The following CD34 variants were observed in gnomAD, a reference collection of about 807,000 sequenced individuals.
CD34 encodes hematopoietic progenitor cell antigen CD34.
A neutral mutation model predicts 40.1 loss-of-function variants in CD34; 34 were observed. That is an observed-to-expected ratio of 0.85 (90% confidence interval 0.65 to 1.13). The LOEUF is 1.13. Ranked by LOEUF, CD34 falls within the 50% of genes most tolerant of loss-of-function variation. The pLI is 0.00. For missense variants in CD34, 426 were observed against 466.9 expected (o/e 0.91, Z 0.81); for synonymous variants, 209 against 190.0 (o/e 1.10, Z -0.82).
chr1:207,895,446 A>G (rs1185763466), intron 4 of CD34, among the ~76,000 whole-genome samples: 1 of 152,148 alleles, frequency 6.6e-6, no homozygotes, highest in Non-Finnish European at 1.5e-5. Flanking sequence ...GGCAGTGTGG[A>G]TGGAAGTCTT....
At chr1:207,900,143 C>G (rs1487290876) in intron 1 of CD34, 140 bp from the exon 2 acceptor site, 3 of 627,328 alleles carry the variant, frequency 4.8e-6, no homozygotes, top group Non-Finnish European at 2.7e-6. Context: ...AGAACATACT[C>G]CTGGACAGTG....
intron 7 of CD34, among the ~76,000 whole-genome samples, chr1:207,888,445 G>A (rs375830055): frequency 2.6e-5 from 4 of 152,172 alleles, no homozygotes; most frequent in Non-Finnish European, 5.9e-5. Context: ...TAGATGACAC[G>A]AATCATCTGC....
intron 1 of CD34, among the ~76,000 whole-genome samples, chr1:207,910,309 G>A (rs1662480477): frequency 6.6e-6 from 1 of 152,196 alleles, no homozygotes; most frequent in Non-Finnish European, 1.5e-5. Flanking sequence ...AGGCGAGCGA[G>A]GCTGGGCGCA....
chr1:207,909,376 C>T (rs1247243502), intron 1 of CD34, among the ~76,000 whole-genome samples: 1 of 152,058 alleles, frequency 6.6e-6, no homozygotes. Flanking sequence ...CACCACTGGC[C>T]AACTCACCCC....
rs534771430 is a variant in CD34, at chr1:207,888,875, C to T, written c.808-29G>A. ...GAAAAGAAGACAAAGAAGATACAGCCTGTCACTTGCCAAAAGTGGAGCCCA... is the reference window on the plus strand; with the variant it reads ...GAAAAGAAGACAAAGAAGATACAGCTTGTCACTTGCCAAAAGTGGAGCCCA... On this transcript the variant is annotated intron_variant, in intron 6 of 7. Transcript: ENST00000310833. The T allele has an allele frequency of 1.5e-3, 2,337 of 1,610,744 alleles. 67 individuals are homozygous for T. The South Asian group carries it at 0.024, about 17-fold the overall frequency.
intron 4 of CD34, among the ~76,000 whole-genome samples, chr1:207,896,559 T>C (rs992714168): frequency 2.0e-5 from 3 of 152,224 alleles, no homozygotes; most frequent in African/African-American, 4.8e-5. Context: ...CTTTTTAATC[T>C]ATCAGTGACA....
chr1:207,899,754 CA>C, intron 2 of CD34, 66 bp downstream of exon 2: 1 of 1,434,234 alleles, frequency 7.0e-7, no homozygotes, highest in Non-Finnish European at 9.5e-7. Context: ...GGTCTGAAAA[CA>C]TCCTAAATGC....
chr1:207,887,497 C>A lies in CD34; in HGVS notation c.*241G>T. On this transcript the variant is annotated 3_prime_UTR_variant, in exon 8 of 8. Transcript: ENST00000310833. ...GGAGCTTCTCCAGACCTTGGCTTTCCCCCGTCACACGTTTACCCAAAGAAG... is the reference window on the plus strand; with the variant it reads ...GGAGCTTCTCCAGACCTTGGCTTTCACCCGTCACACGTTTACCCAAAGAAG... 1 of 538,832 alleles carries A rather than the reference C, an allele frequency of 1.9e-6. No individual in the cohort carries two copies. The highest frequency in any genetic ancestry group is 3.3e-6 in the Non-Finnish European group (1 of 307,500). 33.4% of individuals were successfully genotyped at this position (538,832 alleles called of 1,614,324 possible).
rs1046481057 is a variant in CD34 at position 207,900,010 on chromosome 1, G to A, written c.80-7C>T. 3 of 1,596,206 alleles carry A rather than the reference G, an allele frequency of 1.9e-6. No individual in the cohort carries two copies. The highest frequency in any genetic ancestry group is 2.6e-6 in the Non-Finnish European group (3 of 1,171,890). ...AGACTCATGAACCCAGAAGCTATAG[G>A]GAAACGAGGAGGAAGAATCAGAACC... On this transcript the variant is annotated splice_polypyrimidine_tract_variant and splice_region_variant and intron_variant, in intron 1 of 7. Transcript: ENST00000310833.
chr1:207,903,234 T>C (rs938377071), intron 1 of CD34, among the ~76,000 whole-genome samples: 1 of 152,222 alleles, frequency 6.6e-6, no homozygotes, highest in African/African-American at 2.4e-5. Context: ...GATCTCTTTT[T>C]ATCCTGTCTT....
rs3043874 is a variant in CD34 at position 207,889,755 on chromosome 1, GAA to G, written c.598-136_598-135del. 46 of 1,492,796 alleles carry G rather than the reference GAA, an allele frequency of 3.1e-5. No individual in the cohort carries two copies. The East Asian group carries it at 7.7e-4, about 25-fold the overall frequency. 92.5% of individuals were successfully genotyped at this position (1,492,796 alleles called of 1,614,324 possible). On this transcript the variant is annotated intron_variant, in intron 4 of 7. Coordinates refer to ENST00000310833, the MANE Select transcript of CD34 (RefSeq NM_001025109.2). Reference sequence around the variant, plus strand: ...GATCCTTGTTTCTAAAATTCCAACAGAAAAAAAAAAAACTGCTAACTGTATAT... The same window carrying G: ...GATCCTTGTTTCTAAAATTCCAACAGAAAAAAAAAACTGCTAACTGTATAT...
rs1553262414 is a variant in CD34 at position 207,901,014 on chromosome 1, T to TA, written c.80-1012dup. Reference sequence around the variant, plus strand: ...ATACATACTTTTTTTTTTTTTTTTTTAAGACAGGGTCTTGCTCTGTCATCA... The same window carrying TA: ...ATACATACTTTTTTTTTTTTTTTTTTAAAGACAGGGTCTTGCTCTGTCATCA... On this transcript the variant is annotated intron_variant, in intron 1 of 7. Transcript: ENST00000310833. Among the ~76,000 whole-genome samples the TA allele has an allele frequency of 8.3e-4, 126 of 151,194 alleles. 1 individual carries two copies. The highest frequency in any genetic ancestry group is 3.0e-3 in the African/African-American group (123 of 41,174).
intron 1 of CD34, among the ~76,000 whole-genome samples, chr1:207,903,032 G>T (rs991821678): frequency 1.7e-4 from 26 of 152,180 alleles, no homozygotes; most frequent in African/African-American, 5.5e-4. Context: ...CAGGACAAGT[G>T]GGAGGGCAGA....
intron 4 of CD34, 124 bp downstream of exon 4, chr1:207,897,369 C>G: frequency 1.5e-6 from 1 of 681,228 alleles, no homozygotes; most frequent in South Asian, 1.8e-5. Context: ...GCAGGCTGAC[C>G]AAGCTAAACT....
At chr1:207,899,737 G>A in intron 2 of CD34, 84 bp downstream of exon 2, 1 of 1,222,762 alleles carries the variant, frequency 8.2e-7, no homozygotes, top group Non-Finnish European at 1.2e-6. Flanking sequence ...TCTGTGGAGA[G>A]GGGAGCGGTC....
At position 207,888,778 on chromosome 1, in the gene CD34, A is replaced by G; in HGVS notation, c.876T>C (p.Ile292=). ...SHQSYSQKTL[I]ALVTSGALLA... is the part of the protein sequence containing the mutation. Reference sequence around the variant, plus strand: ...GCAGGGCTCCCGAGGTGACCAGTGCAATCAGGGTCTTTTGGGAATAGCTCT... The same window carrying G: ...GCAGGGCTCCCGAGGTGACCAGTGCGATCAGGGTCTTTTGGGAATAGCTCT... Residue 292 remains isoleucine, a synonymous_variant, in exon 7 of 8, where the codon ATT becomes ATC. Coordinates refer to ENST00000310833, the MANE Select transcript of CD34 (RefSeq NM_001025109.2). The G allele has an allele frequency of 6.2e-7, 1 of 1,614,200 alleles. No homozygotes were observed. Among genetic ancestry groups the G allele is most frequent in the Non-Finnish European group, 8.5e-7 (1 of 1,180,000 alleles).
At chr1:207,889,858 T>G in intron 4 of CD34, 1 of 1,564,176 alleles carries the variant, frequency 6.4e-7, no homozygotes, top group Non-Finnish European at 8.6e-7. Context: ...ATCTAAGATG[T>G]TAGAGAACAA....
At position 207,889,545 on chromosome 1, in the gene CD34, C is replaced by A; in HGVS notation, c.674G>T (p.Gly225Val). The change falls in exon 5 of 8, where the codon GGG becomes GTG. Residue 225 changes from glycine (G) to valine (V), a missense_variant. By Grantham distance (109) the Gly-to-Val change is moderately radical (BLOSUM62 -3). Coordinates refer to ENST00000310833, the MANE Select transcript of CD34 (RefSeq NM_001025109.2). ...AAGGAGCAGGGAGCATACCTGGGCCCCAGCATCAGCATCAGCCTGCTCCTC... is the reference window on the plus strand; with the variant it reads ...AAGGAGCAGGGAGCATACCTGGGCCACAGCATCAGCATCAGCCTGCTCCTC... ...CGEEQADADA[G>V]AQVCSLLLAQ... The A allele has an allele frequency of 1.2e-6, 2 of 1,614,186 alleles. No individual in the cohort carries two copies. The highest frequency in any genetic ancestry group is 1.7e-6 in the Non-Finnish European group (2 of 1,180,022).
chr1:207,882,405 C>T lies in CD34; in HGVS notation c.*5333G>A, dbSNP rs1661826026. ...GCTAAACAGAATCTTTCAATAAGAT[C>T]CAGTCTTTCAACATAAATCCCAAAT... On this transcript the variant is annotated 3_prime_UTR_variant, in exon 8 of 8. Coordinates refer to ENST00000310833, the MANE Select transcript of CD34 (RefSeq NM_001025109.2). 1 of 152,196 alleles carries T rather than the reference C, an allele frequency of 6.6e-6. No individual in the cohort carries two copies. Among genetic ancestry groups the T allele is most frequent in the Non-Finnish European group, 1.5e-5 (1 of 68,042 alleles). The allele number at this position is 152,196 out of a possible 1,614,324, so 9.4% of individuals were successfully genotyped here.
Sources: gnomAD v4.1 joint callset for allele counts (sites outside exome capture counted in the v4.1 genomes callset) on GRCh38, gnomAD v4.1.1 for gene constraint, MANE v1.5 for transcripts, NCBI Gene and HGNC (gene_info 2026-07-23, HGNC 2026-07-21) for gene names.